ARHGAP26: variants seen among roughly 807,000 people sequenced by gnomAD.
ARHGAP26 encodes the protein Rho GTPase activating protein 26.
ARHGAP26 carries 38 observed loss-of-function variants against 104.8 expected under a neutral mutation model. The observed-to-expected ratio is 0.36, with a 90% CI of 0.28 to 0.48. The LOEUF is 0.48. Among genes scored for constraint, ARHGAP26 ranks in the 20% least tolerant of loss-of-function variants. The pLI is 0.99. For synonymous variants in ARHGAP26, 341 were observed against 340.0 expected (o/e 1.00, Z -0.03); for missense variants, 704 against 947.9 (o/e 0.74, Z 3.38).
intron 19 of ARHGAP26, among the ~76,000 whole-genome samples, chr5:143,138,661 T>C (rs1270518827): frequency 6.6e-6 from 1 of 152,146 alleles, no homozygotes; most frequent in Non-Finnish European, 1.5e-5. Flanking sequence ...AGAAAGGTGA[T>C]TTAGCCAAAC....
At chr5:142,963,198 A>ATATATATATATATATGTGTGTGTGTG in intron 11 of ARHGAP26, among the ~76,000 whole-genome samples, 2 of 98,332 alleles carry the variant, frequency 2.0e-5, no homozygotes, top group East Asian at 9.4e-4. Context: ...ATATATATAT[A>ATATATATATATATATGTGTGTGTGTG]TGTGTGTGTG....
intron 10 of ARHGAP26, among the ~76,000 whole-genome samples, chr5:142,920,331 A>G (rs1763037801): frequency 6.6e-6 from 1 of 152,330 alleles, no homozygotes; most frequent in East Asian, 1.9e-4. Flanking sequence ...ATGAGCAAAT[A>G]TAGGGAAAAT....
chr5:142,988,528 G>C (rs1004998424), intron 11 of ARHGAP26, among the ~76,000 whole-genome samples: 1 of 151,994 alleles, frequency 6.6e-6, no homozygotes, highest in African/African-American at 2.4e-5. Flanking sequence ...CTTGCCTTCT[G>C]CTAGCTTTTG....
intron 21 of ARHGAP26, among the ~76,000 whole-genome samples, chr5:143,211,951 G>A (rs997005189): frequency 6.6e-6 from 1 of 152,046 alleles, no homozygotes. Context: ...GATAATCTTG[G>A]GCACCTGGAC....
chr5:143,070,905 C>T (rs556627313), intron 17 of ARHGAP26, among the ~76,000 whole-genome samples: 3 of 151,768 alleles, frequency 2.0e-5, no homozygotes, highest in Non-Finnish European at 2.9e-5. Flanking sequence ...GATCTTGACA[C>T]TATCGCAGAA....
intron 1 of ARHGAP26, among the ~76,000 whole-genome samples, chr5:142,811,346 A>G (rs1474373188): frequency 6.6e-6 from 1 of 152,224 alleles, no homozygotes; most frequent in East Asian, 1.9e-4. Flanking sequence ...TGGTCAACCA[A>G]GCTGTCCACA....
intron 22 of ARHGAP26, among the ~76,000 whole-genome samples, chr5:143,215,291 C>T (rs575435887): frequency 6.6e-6 from 1 of 152,234 alleles, no homozygotes; most frequent in Admixed American, 6.5e-5. Flanking sequence ...CAATTCACTG[C>T]TCATATGGGC....
chr5:143,038,359 G>A (rs143350579), intron 13 of ARHGAP26, among the ~76,000 whole-genome samples: 3 of 152,112 alleles, frequency 2.0e-5, no homozygotes, highest in African/African-American at 7.2e-5. Flanking sequence ...CAGTTGTAAT[G>A]TATGGAAACA....
intron 6 of ARHGAP26, among the ~76,000 whole-genome samples, chr5:142,896,076 A>G (rs887713433): frequency 6.6e-6 from 1 of 152,206 alleles, no homozygotes; most frequent in Non-Finnish European, 1.5e-5. Flanking sequence ...GTGAGCAGCT[A>G]TCTGTCAGAT....
intron 1 of ARHGAP26, among the ~76,000 whole-genome samples, chr5:142,858,094 T>TGTGTGTGAGAGA (rs1424264346): frequency 2.1e-4 from 27 of 127,254 alleles, no homozygotes; most frequent in African/African-American, 7.4e-4. Flanking sequence ...TGTGTGTGTG[T>TGTGTGTGAGAGA]GAGAGAGAGA....
intron 22 of ARHGAP26, chr5:143,216,474 C>T: frequency 2.9e-6 from 1 of 342,076 alleles, no homozygotes; most frequent in Non-Finnish European, 5.8e-6. Context: ...ACTACAGCCT[C>T]ATGCCTTCTT....
chr5:142,974,356 C>A (rs1466823013), intron 11 of ARHGAP26, among the ~76,000 whole-genome samples: 1 of 152,076 alleles, frequency 6.6e-6, no homozygotes, highest in Non-Finnish European at 1.5e-5. Flanking sequence ...TATTATTGTT[C>A]TGACAGCTAA....
intron 13 of ARHGAP26, 48 bp downstream of exon 13, chr5:143,037,309 C>A: frequency 6.7e-7 from 1 of 1,501,562 alleles, no homozygotes; most frequent in Non-Finnish European, 9.1e-7. Flanking sequence ...GGTCACGCAT[C>A]TGGTGAGGAG....
rs368623320 is a variant in ARHGAP26 at position 142,857,554 on chromosome 5, C to G, written c.155-15846C>G. ...CTCGTCCCTCCTGCAGCAAGGGAAG[C>G]ATGTCAGGGTTTCTTTCTCACTGTC... On this transcript the variant is annotated intron_variant, in intron 1 of 22. Transcript: ENST00000645722. Among the ~76,000 whole-genome samples, 7 of 152,132 alleles carry G rather than the reference C, an allele frequency of 4.6e-5. No individual in the cohort carries two copies. The East Asian group carries it at 1.3e-3, about 29-fold the overall frequency.
intron 20 of ARHGAP26, among the ~76,000 whole-genome samples, chr5:143,191,145 T>C (rs1805867565): frequency 6.6e-6 from 1 of 152,238 alleles, no homozygotes; most frequent in African/African-American, 2.4e-5. Flanking sequence ...CTAAAAGTTG[T>C]ACACTTAAGT....
chr5:143,005,557 G>T (rs989641723), intron 11 of ARHGAP26, among the ~76,000 whole-genome samples: 5 of 152,208 alleles, frequency 3.3e-5, no homozygotes, highest in African/African-American at 1.2e-4. Context: ...AATGAGGGTG[G>T]TATCCCTGGA....
chr5:142,923,838 CATTT>C (rs990067066), intron 10 of ARHGAP26, among the ~76,000 whole-genome samples: 4 of 142,416 alleles, frequency 2.8e-5, no homozygotes, highest in Non-Finnish European at 4.6e-5. Context: ...ATGATTCATT[CATTT>C]ATTAGGATCA....
intron 11 of ARHGAP26, among the ~76,000 whole-genome samples, chr5:142,935,875 C>T (rs1468652074): frequency 1.3e-5 from 2 of 152,024 alleles, no homozygotes; most frequent in African/African-American, 4.8e-5. Flanking sequence ...GGGGGAAATG[C>T]CAAGTTTACC....
intron 1 of ARHGAP26, among the ~76,000 whole-genome samples, chr5:142,779,020 A>C (rs1193868181): frequency 1.3e-5 from 2 of 151,736 alleles, no homozygotes; most frequent in African/African-American, 4.8e-5. Context: ...TGTCCCTATT[A>C]GCCCTGGAAC....
Sources: allele counts gnomAD v4.1 joint callset (sites outside exome capture counted in the v4.1 genomes callset), GRCh38; gene constraint gnomAD v4.1.1; transcripts MANE v1.5; gene names NCBI Gene and HGNC (gene_info 2026-07-23, HGNC 2026-07-21).